The following PHKA1 variants were observed in gnomAD, a reference collection of about 807,000 sequenced individuals.
PHKA1 encodes the protein phosphorylase b kinase regulatory subunit alpha, skeletal muscle isoform.
PHKA1 carries 60 observed loss-of-function variants against 110.2 expected under a neutral mutation model. The observed-to-expected ratio is 0.54, with a 90% CI of 0.44 to 0.68. The LOEUF (loss-of-function observed/expected upper bound fraction) is 0.68. Among genes scored for constraint, PHKA1 ranks in the 30% least tolerant of loss-of-function variants. The probability of loss-of-function intolerance (pLI) is 0.00; values close to 1 mark genes in which losing one functional copy is unlikely to be tolerated. For missense variants in PHKA1, 801 were observed against 942.5 expected (o/e 0.85, Z 1.97); for synonymous variants, 316 against 333.6 (o/e 0.95, Z 0.58).
At chrX:72,651,249 A>G (rs967385562) in intron 12 of PHKA1, among the ~76,000 whole-genome samples, 1 of 111,552 alleles carries the variant, frequency 9.0e-6, no homozygotes, top group Non-Finnish European at 1.9e-5. Flanking sequence ...AAGAATACAA[A>G]TCACTGGCCG....
At chrX:72,624,919 T>C (rs1023613774) in intron 17 of PHKA1, among the ~76,000 whole-genome samples, 7 of 111,710 alleles carry the variant, frequency 6.3e-5, no homozygotes, top group Non-Finnish European at 9.4e-5. Flanking sequence ...AAAACTCTCA[T>C]GAAAGATTGA....
chrX:72,651,978 C>T (rs1473384472), intron 12 of PHKA1, among the ~76,000 whole-genome samples: 2 of 111,124 alleles, frequency 1.8e-5, no homozygotes, highest in Non-Finnish European at 3.8e-5. Context: ...AGAAGGTGGA[C>T]ACAAAGTCAG....
chrX:72,657,257 G>T (rs782089672), intron 9 of PHKA1, among the ~76,000 whole-genome samples: 28 of 112,201 alleles, frequency 2.5e-4, no homozygotes, highest in Non-Finnish European at 4.9e-4. Flanking sequence ...TAAATATTTT[G>T]GGAGAGATAC....
At chrX:72,668,584 A>G (rs2053641738) in intron 6 of PHKA1, among the ~76,000 whole-genome samples, 1 of 111,913 alleles carries the variant, frequency 8.9e-6, no homozygotes, top group African/African-American at 3.2e-5. Flanking sequence ...TTCCTCAATT[A>G]AAGGGCAGAC....
At chrX:72,639,920 A>T (rs2053276662) in intron 14 of PHKA1, among the ~76,000 whole-genome samples, 1 of 112,439 alleles carries the variant, frequency 8.9e-6, no homozygotes, top group Non-Finnish European at 1.9e-5. Flanking sequence ...ACAGTAAATT[A>T]TAAAGGTGGA....
In PHKA1 at chrX:72,619,227, C is replaced by T. The variant is rs782419770; in HGVS notation, c.2216G>A (p.Arg739Gln). The T allele has an allele frequency of 3.5e-5, 41 of 1,174,522 alleles. No individual in the cohort carries two copies. Among genetic ancestry groups the T allele is most frequent in the South Asian group, 1.1e-4 (6 of 55,742 alleles). Residue 739 changes from arginine (R) to glutamine (Q), a missense_variant, in exon 20 of 32, where the codon CGA (arginine) becomes CAA (glutamine). Arg to Gln is a conservative substitution (Grantham distance 43, BLOSUM62 1). This residue lies in a region of PHKA1 where 502 missense variants were observed against 519.2 expected (regional missense o/e 0.97). Transcript: ENST00000373542. ...GCACAAATTTACCTGGTTCTCCTGT[C>T]GGGGATGAGGTGAATCAAGTAAGTT... is the stretch of plus-strand genomic sequence containing the variant. Reference protein sequence around the residue: ...SFNLLDSPHPRQENQVPSVRV... With the variant: ...SFNLLDSPHPQQENQVPSVRV...
At chrX:72,695,340 A>G (rs1167706736) in intron 4 of PHKA1, among the ~76,000 whole-genome samples, 1 of 111,921 alleles carries the variant, frequency 8.9e-6, no homozygotes, top group Non-Finnish European at 1.9e-5. Flanking sequence ...GAACCATCTG[A>G]AAAGGATATA....
chrX:72,584,911 C>A (rs1162252799), intron 29 of PHKA1, among the ~76,000 whole-genome samples: 3 of 71,428 alleles, frequency 4.2e-5, no homozygotes, highest in Non-Finnish European at 7.5e-5. Flanking sequence ...CTCCCCCCAC[C>A]CCATGACAGG....
Position 72,681,395 on chromosome X carries a change from G to C in PHKA1, c.537+3103C>G, listed in dbSNP as rs782755105. Among the ~76,000 whole-genome samples the C allele has an allele frequency of 9.2e-3, 878 of 95,411 alleles. 2 individuals are homozygous for C. Among genetic ancestry groups the C allele is most frequent in the African/African-American group, 0.035 (831 of 23,657 alleles). 82.9% of individuals were successfully genotyped at this position (95,411 alleles called of 115,157 possible). On this transcript the variant is annotated intron_variant, in intron 5 of 31. Transcript: ENST00000373542. ...AGCCACCCCATCTGGGAGGGAGGTGGGGGGGGGTCAGCCCCCCGCCCGGCC... is the reference window on the plus strand; with the variant it reads ...AGCCACCCCATCTGGGAGGGAGGTGCGGGGGGGTCAGCCCCCCGCCCGGCC...
chrX:72,623,007 G>A, intron 18 of PHKA1, 102 bp downstream of exon 18: 6 of 1,184,639 alleles, frequency 5.1e-6, no homozygotes, highest in Non-Finnish European at 6.8e-6. Flanking sequence ...AGTGAGGATA[G>A]AACACTGTGA....
intron 5 of PHKA1, among the ~76,000 whole-genome samples, chrX:72,679,357 T>C (rs1556313152): frequency 9.2e-6 from 1 of 109,251 alleles, no homozygotes; most frequent in African/African-American, 3.3e-5. Context: ...CTCGGGAATA[T>C]TTACAGGAAT....
intron 5 of PHKA1, among the ~76,000 whole-genome samples, chrX:72,682,934 T>TAAAAAAAAAAAAAATAA (rs2053925428): frequency 1.6e-5 from 1 of 63,857 alleles, no homozygotes; most frequent in Non-Finnish European, 2.8e-5. Context: ...AAAAATAAAT[T>TAAAAAAAAAAAAAATAA]AAAAAAAAAA....
At chrX:72,582,638 T>A (rs782511914) in intron 30 of PHKA1, 40 bp from the exon 31 acceptor site, 2 of 913,304 alleles carry the variant, frequency 2.2e-6, no homozygotes, top group Non-Finnish European at 3.2e-6. Flanking sequence ...TAAGAGTCCA[T>A]CATCCAAGAA....
At chrX:72,680,412 G>C (rs1556313745) in intron 5 of PHKA1, among the ~76,000 whole-genome samples, 1 of 112,672 alleles carries the variant, frequency 8.9e-6, no homozygotes, top group African/African-American at 3.2e-5. Flanking sequence ...AAACAATACA[G>C]GCAAGAAGAA....
chrX:72,665,182 T>C (rs2053604022), intron 8 of PHKA1, among the ~76,000 whole-genome samples: 1 of 110,178 alleles, frequency 9.1e-6, no homozygotes, highest in Non-Finnish European at 1.9e-5. Flanking sequence ...AAGACCCAAG[T>C]AAATAAAATA....
rs988169875 is a variant in PHKA1 at position 72,646,174 on chromosome X, C to T, written c.1325-1678G>A. Among the ~76,000 whole-genome samples, 7 of 111,583 alleles carry T rather than the reference C, an allele frequency of 6.3e-5. No homozygotes were observed. The Admixed American group carries it at 6.7e-4, about 11-fold the overall frequency. On this transcript the variant is annotated intron_variant, in intron 13 of 31. Transcript: ENST00000373542. ...GTTAGAGCATCGTGAAGGGCATATG[C>T]ATCACTTGAAGGATTTTGTATTTCA...
chrX:72,588,533 C>T (rs1173932526), intron 29 of PHKA1, among the ~76,000 whole-genome samples: 1 of 111,201 alleles, frequency 9.0e-6, no homozygotes, highest in Non-Finnish European at 1.9e-5. Flanking sequence ...GAAACAAGAG[C>T]AAACAAATGC....
rs1460147049 is a variant in PHKA1, at chrX:72,643,274, C to T, written c.1459+1088G>A. On this transcript the variant is annotated intron_variant, in intron 14 of 31. Coordinates refer to ENST00000373542, the MANE Select transcript of PHKA1 (RefSeq NM_002637.4). Reference sequence around the variant, plus strand: ...ATACACGCACACACACACACGCGCGCACACACATATACAAACTAACTTCTG... The same window carrying T: ...ATACACGCACACACACACACGCGCGTACACACATATACAAACTAACTTCTG... Among the ~76,000 whole-genome samples, 3 of 111,301 alleles carry T rather than the reference C, an allele frequency of 2.7e-5. No homozygotes were observed. In the Admixed American group the frequency reaches 2.9e-4, roughly 11 times the overall value.
chrX:72,589,619 GA>G (rs1302598148), intron 29 of PHKA1, among the ~76,000 whole-genome samples: 3 of 110,093 alleles, frequency 2.7e-5, no homozygotes, highest in African/African-American at 9.9e-5. Flanking sequence ...ATTCAATTAG[GA>G]AAAGAGGAAG....
Sources: gnomAD v4.1 joint callset for allele counts (sites outside exome capture counted in the v4.1 genomes callset) on GRCh38, gnomAD v4.1.1 for gene constraint, gnomAD v4.1.1 regional missense constraint, MANE v1.5 for transcripts, NCBI Gene and HGNC (gene_info 2026-07-23, HGNC 2026-07-21) for gene names.